The following SNX9 variants were observed in gnomAD, a reference collection of about 807,000 sequenced individuals.
SNX9 encodes sorting nexin-9.
SNX9 carries 44 observed loss-of-function variants against 89.4 expected under a neutral mutation model. The ratio of observed to expected loss-of-function variants is 0.49; its 90% CI spans 0.39 to 0.63. The LOEUF is 0.63. Among genes scored for constraint, SNX9 ranks in the 30% least tolerant of loss-of-function variants. The pLI, the probability that SNX9 is intolerant of heterozygous loss-of-function variation, is 0.00. For synonymous variants in SNX9, 236 were observed against 247.8 expected, an observed-to-expected ratio of 0.95 and a Z score of 0.45; for missense variants, 578 against 736.1, an observed-to-expected ratio of 0.79 and a Z score of 2.49.
chr6:157,900,094 C>T (rs867706671), intron 5 of SNX9, among the ~76,000 whole-genome samples: 24 of 152,150 alleles, frequency 1.6e-4, no homozygotes, highest in East Asian at 5.8e-4. Context: ...CCTAGTTCCC[C>T]GTCTCCCTGC....
At chr6:157,858,703 A>G in intron 1 of SNX9, among the ~76,000 whole-genome samples, 1 of 152,194 alleles carries the variant, frequency 6.6e-6, no homozygotes, top group African/African-American at 2.4e-5. Flanking sequence ...GATTTAATGG[A>G]CTCACAATTC....
chr6:157,832,649 G>A (rs1375757421), intron 1 of SNX9, among the ~76,000 whole-genome samples: 1 of 152,196 alleles, frequency 6.6e-6, no homozygotes, highest in Admixed American at 6.5e-5. Context: ...AAGCAAACAT[G>A]TCCTTCTTCA....
At chr6:157,902,582 T>C (rs931778383) in intron 6 of SNX9, among the ~76,000 whole-genome samples, 2 of 152,248 alleles carry the variant, frequency 1.3e-5, no homozygotes, top group African/African-American at 4.8e-5. Context: ...AGCACGTGTT[T>C]CAGCTCCTGT....
chr6:157,916,606 A>C (rs187184691), intron 9 of SNX9, among the ~76,000 whole-genome samples: 2 of 152,078 alleles, frequency 1.3e-5, no homozygotes, highest in Non-Finnish European at 2.9e-5. Context: ...TTTCTCTTCT[A>C]TTTCTAGGTT....
chr6:157,938,857 C>A, intron 16 of SNX9, 110 bp downstream of exon 16: 1 of 677,682 alleles, frequency 1.5e-6, no homozygotes, highest in Non-Finnish European at 2.6e-6. Context: ...GTAAGTGAGA[C>A]CTTTTAAGCC....
intron 4 of SNX9, among the ~76,000 whole-genome samples, chr6:157,893,581 T>A (rs1009805167): frequency 6.8e-6 from 1 of 147,314 alleles, no homozygotes; most frequent in Non-Finnish European, 1.5e-5. Flanking sequence ...TGCAATTATA[T>A]TTTTTTCTTT....
In SNX9 at chr6:157,823,878, G is replaced by T. The variant is rs1323191197; in HGVS notation, c.12+432G>T. Among the ~76,000 whole-genome samples, 4 of 151,992 alleles carry T rather than the reference G, an allele frequency of 2.6e-5. No individual in the cohort carries two copies. Among genetic ancestry groups the T allele is most frequent in the African/African-American group, 9.7e-5 (4 of 41,418 alleles). Reference sequence around the variant, plus strand: ...TCCCGCTGCCGCCTGGGGGACCCTCGCCCCCGCGGGGCGGGTGGGGGTCGA... The same window carrying T: ...TCCCGCTGCCGCCTGGGGGACCCTCTCCCCCGCGGGGCGGGTGGGGGTCGA... On this transcript the variant is annotated intron_variant, in intron 1 of 17. Transcript: ENST00000392185. The surrounding 1 kb of genome is among the most constrained non-coding windows in gnomAD (Gnocchi z 4.6).
At chr6:157,932,731 G>C (rs962600342) in intron 13 of SNX9, among the ~76,000 whole-genome samples, 7 of 151,720 alleles carry the variant, frequency 4.6e-5, no homozygotes, top group Non-Finnish European at 1.0e-4. Flanking sequence ...GCCACGTGTG[G>C]TGGTGCATAC....
chr6:157,832,492 G>A (rs1435211194), intron 1 of SNX9, among the ~76,000 whole-genome samples: 1 of 152,182 alleles, frequency 6.6e-6, no homozygotes, highest in Non-Finnish European at 1.5e-5. Context: ...CCCAAGTCTT[G>A]AAATGTCTGT....
intron 1 of SNX9, among the ~76,000 whole-genome samples, chr6:157,831,831 C>T (rs916453580): frequency 3.3e-5 from 5 of 152,192 alleles, no homozygotes; most frequent in African/African-American, 1.2e-4. Flanking sequence ...TATTAGCTTG[C>T]TCTAGTTGCT....
chr6:157,844,611 T>TTTTTTTTTTTTTTA (rs1781768879), intron 1 of SNX9, among the ~76,000 whole-genome samples: 1 of 150,792 alleles, frequency 6.6e-6, no homozygotes, highest in African/African-American at 2.5e-5. Context: ...TTTTTTTTTT[T>TTTTTTTTTTTTTTA]GAGACAGAGT....
At position 157,895,892 on chromosome 6, in the gene SNX9, A is replaced by C. The variant is rs371214810; in HGVS notation, c.301-935A>C. ...GAAGGAAGCAGATAGGTCCCAAAAC[A>C]AACTGATTTTTTCTCGAGAACAGGA... is the stretch of plus-strand genomic sequence containing the variant. On this transcript the variant is annotated intron_variant, in intron 4 of 17. Coordinates refer to ENST00000392185, the MANE Select transcript of SNX9 (RefSeq NM_016224.5). Among the ~76,000 whole-genome samples the C allele has an allele frequency of 8.5e-5, 13 of 152,194 alleles. No homozygotes were observed. In the East Asian group the frequency reaches 9.6e-4, roughly 11 times the overall value.
At chr6:157,836,283 A>T (rs550933706) in intron 1 of SNX9, among the ~76,000 whole-genome samples, 2 of 152,206 alleles carry the variant, frequency 1.3e-5, no homozygotes, top group African/African-American at 2.4e-5. Flanking sequence ...AGTTTTCATT[A>T]TGAAAGTGAT....
rs921864828 is a variant in SNX9 at position 157,943,142 on chromosome 6, A to T, written c.*304A>T. On this transcript the variant is annotated 3_prime_UTR_variant, in exon 18 of 18. Coordinates refer to ENST00000392185, the MANE Select transcript of SNX9 (RefSeq NM_016224.5). ...GGGTTTCTCCCCACTGATATTTTAC[A>T]TAGAGTCATAATTTATATGTCTTAT... 4.0e-6 allele frequency: 1 copy of T among 251,458 alleles called. No individual in the cohort carries two copies. The highest frequency in any genetic ancestry group is 7.5e-6 in the Non-Finnish European group (1 of 133,534). 15.6% of individuals were successfully genotyped at this position (251,458 alleles called of 1,614,324 possible).
chr6:157,840,432 T>TTTCTTTC lies in SNX9; in HGVS notation c.12+16986_12+16987insTTCTTTC, dbSNP rs1562590916. 7.1e-4 allele frequency among the ~76,000 whole-genome samples: 99 copies of TTTCTTTC among 138,696 alleles called. 3 individuals are homozygous for TTTCTTTC. Among genetic ancestry groups the TTTCTTTC allele is most frequent in the African/African-American group, 1.5e-3 (54 of 36,118 alleles). The allele number at this position is 138,696 out of a possible 152,430, so 91.0% of individuals were successfully genotyped here. On this transcript the variant is annotated intron_variant, in intron 1 of 17. Coordinates refer to ENST00000392185, the MANE Select transcript of SNX9 (RefSeq NM_016224.5). ...CTTTCTTTCTTTCTTTTCTTTCTTT[T>TTTCTTTC]CTTTCCTTTCTTTCCTTTCCTTCCT... is the stretch of plus-strand genomic sequence containing the variant.
intron 4 of SNX9, 117 bp downstream of exon 4, chr6:157,875,293 C>G: frequency 3.7e-6 from 5 of 1,364,436 alleles, no homozygotes; most frequent in Non-Finnish European, 4.8e-6. Flanking sequence ...AACAAAGTCG[C>G]TTTTAGGTTG....
At chr6:157,828,414 T>C (rs1781421414) in intron 1 of SNX9, among the ~76,000 whole-genome samples, 1 of 152,204 alleles carries the variant, frequency 6.6e-6, no homozygotes, top group East Asian at 1.9e-4. Context: ...AGTACTGCTG[T>C]TTCTTTTCTG....
At chr6:157,869,848 C>A (rs78947320) in intron 2 of SNX9, among the ~76,000 whole-genome samples, 5 of 151,402 alleles carry the variant, frequency 3.3e-5, no homozygotes, top group Non-Finnish European at 5.9e-5. Context: ...ATTATGCATA[C>A]CCCCACACAC....
In SNX9 at chr6:157,823,367, C is replaced by G; in HGVS notation, c.-68C>G. The G allele has an allele frequency of 7.9e-7, 1 of 1,262,144 alleles. No homozygotes were observed. Among genetic ancestry groups the G allele is most frequent in the Non-Finnish European group, 1.0e-6 (1 of 994,878 alleles). 78.2% of individuals were successfully genotyped at this position (1,262,144 alleles called of 1,614,324 possible). A position where few individuals can be genotyped will look rare whatever the true frequency, so the allele number is the denominator to read the frequency against. ...GCCCTCGCCCTTGCCTTTGCCTGCG[C>G]GGCTCAGAATCACCATCCGCGGCGC... On this transcript the variant is annotated 5_prime_UTR_variant, in exon 1 of 18. Transcript: ENST00000392185. This position sits in a 1 kb window ranked among gnomAD's most constrained non-coding sequence, Gnocchi z 4.6.
Sources: gnomAD v4.1 joint callset for allele counts (sites outside exome capture counted in the v4.1 genomes callset) on GRCh38, gnomAD v4.1.1 for gene constraint, Gnocchi (gnomAD v3.1) non-coding constraint, MANE v1.5 for transcripts, NCBI Gene and HGNC (gene_info 2026-07-23, HGNC 2026-07-21) for gene names.